Variants in FGF18 observed in about 807,000 individuals in gnomAD.
FGF18 encodes the protein fibroblast growth factor 18.
Under a neutral mutation model 23.0 loss-of-function variants are expected in FGF18, and 5 were observed. The ratio of observed to expected loss-of-function variants is 0.22; its 90% CI spans 0.11 to 0.46. The LOEUF (loss-of-function observed/expected upper bound fraction) is 0.46, where lower values mean the gene tolerates loss of function less well. Among genes scored for constraint, FGF18 ranks in the 20% least tolerant of loss-of-function variants. FGF18 has a pLI of 0.99. For missense variants in FGF18, 180 were observed against 291.6 expected (o/e 0.62, Z 2.79); for synonymous variants, 117 against 118.9 (o/e 0.98, Z 0.10).
intron 2 of FGF18, 113 bp downstream of exon 2, chr5:171,420,556 C>A (rs939001822): frequency 1.6e-4 from 169 of 1,027,588 alleles, no homozygotes; most frequent in Admixed American, 1.8e-4. Flanking sequence ...GGCGCTGAGC[C>A]CAGTGCACCT....
At chr5:171,422,104 G>A (rs1175371786) in intron 2 of FGF18, among the ~76,000 whole-genome samples, 1 of 152,152 alleles carries the variant, frequency 6.6e-6, no homozygotes, top group Non-Finnish European at 1.5e-5. Context: ...TGTGGCTCAA[G>A]CCTCTGGATG....
chr5:171,431,648 G>A (rs1431262705), intron 2 of FGF18, among the ~76,000 whole-genome samples: 2 of 152,206 alleles, frequency 1.3e-5, no homozygotes, highest in Non-Finnish European at 2.9e-5. Flanking sequence ...TGTGAGAAAA[G>A]CTGCTTCCAC....
Position 171,457,017 on chromosome 5 carries a change from C to G in FGF18, c.*212C>G. 1.6e-6 allele frequency: 1 copy of G among 611,538 alleles called. No individual in the cohort carries two copies. The highest frequency in any genetic ancestry group is 2.8e-6 in the Non-Finnish European group (1 of 359,814). The allele number at this position is 611,538 out of a possible 1,614,324, so 37.9% of individuals were successfully genotyped here. ...GAAACCCCCGATGACAAAAGACTCACGCAAAGGGACTGTAGTCAACCCACA... is the reference window on the plus strand; with the variant it reads ...GAAACCCCCGATGACAAAAGACTCAGGCAAAGGGACTGTAGTCAACCCACA... On this transcript the variant is annotated 3_prime_UTR_variant, in exon 5 of 5. Transcript: ENST00000274625.
chr5:171,422,037 G>A (rs1480041130), intron 2 of FGF18, among the ~76,000 whole-genome samples: 6 of 152,164 alleles, frequency 3.9e-5, no homozygotes, highest in Non-Finnish European at 4.4e-5. Flanking sequence ...CCAGAGTGCT[G>A]TGCCTGGGGG....
chr5:171,445,328 A>G (rs78993631), intron 3 of FGF18, among the ~76,000 whole-genome samples: 21,302 of 152,108 alleles, frequency 0.14, 2,018 homozygotes, highest in South Asian at 0.31. Context: ...GGAGGTCTTT[A>G]GCAGAGAAGG....
intron 2 of FGF18, among the ~76,000 whole-genome samples, chr5:171,421,389 C>T (rs984439686): frequency 6.6e-6 from 1 of 152,182 alleles, no homozygotes; most frequent in Admixed American, 6.5e-5. Context: ...CCCCCACCCA[C>T]CTAGTGCTGC....
rs1365990697 is a variant in FGF18 at position 171,419,884 on chromosome 5, G to A, written c.-316G>A. 6.4e-6 allele frequency: 1 copy of A among 155,162 alleles called. No individual in the cohort carries two copies. Among genetic ancestry groups the A allele is most frequent in the African/African-American group, 2.4e-5 (1 of 41,406 alleles). 9.6% of individuals were successfully genotyped at this position (155,162 alleles called of 1,614,324 possible). ...GCAGCCAGCCTCCCACGGACGCCCG[G>A]ACGGCCGGCCGGCCAGCAGTGAGCG... On this transcript the variant is annotated 5_prime_UTR_variant, in exon 1 of 5. Transcript: ENST00000274625.
At position 171,456,028 on chromosome 5, in the gene FGF18, A is replaced by G. The variant is rs934539407; in HGVS notation, c.358-511A>G. Among the ~76,000 whole-genome samples the G allele has an allele frequency of 6.6e-6, 1 of 152,184 alleles. No homozygotes were observed. Among genetic ancestry groups the G allele is most frequent in the Non-Finnish European group, 1.5e-5 (1 of 68,042 alleles). Reference sequence around the variant, plus strand: ...CTGCCCCAGCCACAGCCTCCTGCCCATGCCCCTTGTACCTGCTGTCTCCTC... The same window carrying G: ...CTGCCCCAGCCACAGCCTCCTGCCCGTGCCCCTTGTACCTGCTGTCTCCTC... On this transcript the variant is annotated intron_variant, in intron 4 of 4. Transcript: ENST00000274625. This position sits in a 1 kb window ranked among gnomAD's most constrained non-coding sequence, Gnocchi z 6.1.
chr5:171,439,788 G>C (rs1180793988), intron 3 of FGF18, among the ~76,000 whole-genome samples: 1 of 152,170 alleles, frequency 6.6e-6, no homozygotes, highest in Non-Finnish European at 1.5e-5. Context: ...GGAGACTCTA[G>C]CATCGGGGGG....
intron 2 of FGF18, among the ~76,000 whole-genome samples, chr5:171,432,138 G>C (rs2113339576): frequency 1.3e-5 from 2 of 152,320 alleles, no homozygotes; most frequent in East Asian, 3.9e-4. Context: ...AGGGGTGTTA[G>C]CCAGGCCGAC....
intron 3 of FGF18, among the ~76,000 whole-genome samples, chr5:171,444,516 A>G (rs1237821779): frequency 6.6e-6 from 1 of 151,268 alleles, no homozygotes; most frequent in African/African-American, 2.4e-5. Context: ...GATACTTTCC[A>G]TAGGGGCAGA....
intron 2 of FGF18, among the ~76,000 whole-genome samples, chr5:171,422,918 T>G (rs1772037722): frequency 1.3e-5 from 2 of 152,196 alleles, no homozygotes; most frequent in African/African-American, 4.8e-5. Context: ...TGGTTGGTCA[T>G]GGAGTTGAAC....
At chr5:171,454,263 G>C (rs1005089777) in intron 4 of FGF18, among the ~76,000 whole-genome samples, 2 of 152,196 alleles carry the variant, frequency 1.3e-5, no homozygotes, top group Non-Finnish European at 2.9e-5. Flanking sequence ...CCATTTTCCA[G>C]GCAGTGGCAG....
chr5:171,455,315 A>T (rs1039207512), intron 4 of FGF18, among the ~76,000 whole-genome samples: 2 of 152,186 alleles, frequency 1.3e-5, no homozygotes, highest in Admixed American at 1.3e-4. Flanking sequence ...ACCTTTCTTC[A>T]TACCAAGTAT....
chr5:171,451,217 C>T lies in FGF18; in HGVS notation c.357+1964C>T, dbSNP rs1467741660. Reference sequence around the variant, plus strand: ...CACCCTGGCGCAGCGGAGGGAGGCCCGGCCCCGGCCCCCGGCGCCTCCCCC... The same window carrying T: ...CACCCTGGCGCAGCGGAGGGAGGCCTGGCCCCGGCCCCCGGCGCCTCCCCC... On this transcript the variant is annotated intron_variant, in intron 4 of 4. Coordinates refer to ENST00000274625, the MANE Select transcript of FGF18 (RefSeq NM_003862.3). This position sits in a 1 kb window ranked among gnomAD's most constrained non-coding sequence, Gnocchi z 4.5. 2.0e-5 allele frequency among the ~76,000 whole-genome samples: 3 copies of T among 152,186 alleles called. No individual in the cohort carries two copies. Among genetic ancestry groups the T allele is most frequent in the African/African-American group, 7.2e-5 (3 of 41,554 alleles).
intron 2 of FGF18, among the ~76,000 whole-genome samples, chr5:171,428,497 C>T (rs1340800386): frequency 6.6e-6 from 1 of 152,204 alleles, no homozygotes; most frequent in African/African-American, 2.4e-5. Context: ...GAAATAAGAG[C>T]AAACCGGGTG....
chr5:171,423,522 TCCCCTGGCCTCTTGTCCCTCCTGCCAG>T (rs1291897952), intron 2 of FGF18, among the ~76,000 whole-genome samples: 120 of 152,126 alleles, frequency 7.9e-4, no homozygotes, highest in African/African-American at 2.8e-3. Context: ...TGGGGGGGCA[TCCCCTGGCCTCTTGTCCCTCCTGCCAG>T]CCCCTTAGCC....
rs1355054944 is a variant in FGF18 at position 171,451,951 on chromosome 5, CTGTT to C, written c.357+2702_357+2705del. 1.3e-5 allele frequency among the ~76,000 whole-genome samples: 2 copies of C among 152,202 alleles called. No individual in the cohort carries two copies. The highest frequency in any genetic ancestry group is 6.5e-5 in the Admixed American group (1 of 15,280). ...GCCTGTCTGCTAACCTGGGTTGTCA[CTGTT>C]TGTCTTTGTGCCTGCATCCTCTGTC... On this transcript the variant is annotated intron_variant, in intron 4 of 4. Transcript: ENST00000274625. The surrounding 1 kb of genome is among the most constrained non-coding windows in gnomAD (Gnocchi z 4.5).
At chr5:171,437,650 C>T (rs924612400) in intron 3 of FGF18, among the ~76,000 whole-genome samples, 14 of 152,240 alleles carry the variant, frequency 9.2e-5, no homozygotes, top group South Asian at 2.1e-4. Context: ...CTGGCTGCCT[C>T]TATGGGGCCT....
Sources: allele counts gnomAD v4.1 joint callset (sites outside exome capture counted in the v4.1 genomes callset), GRCh38; gene constraint gnomAD v4.1.1; non-coding constraint Gnocchi (gnomAD v3.1); transcripts MANE v1.5; gene names NCBI Gene and HGNC (gene_info 2026-07-23, HGNC 2026-07-21).